ANXA6: variants seen among roughly 807,000 people sequenced by gnomAD.
ANXA6 encodes 67 kDa calelectrin.
In ANXA6, 71 loss-of-function variants were observed where a neutral mutation model predicts 95.4. The observed-to-expected ratio is 0.74, with a 90% CI of 0.61 to 0.91. The LOEUF is 0.91. Among genes scored for constraint, ANXA6 ranks in the 40% least tolerant of loss-of-function variants. The pLI, the probability that ANXA6 is intolerant of heterozygous loss-of-function variation, is 0.00. For missense variants in ANXA6, 830 were observed against 876.4 expected (o/e 0.95, Z 0.67); for synonymous variants, 289 against 315.9 (o/e 0.91, Z 0.90).
chr5:151,102,884 T>G (rs1338798441), intron 25 of ANXA6, among the ~76,000 whole-genome samples: 2 of 152,174 alleles, frequency 1.3e-5, no homozygotes, highest in Admixed American at 1.3e-4. Flanking sequence ...GATAGAAGTG[T>G]TTGGAAACCA....
chr5:151,102,199 G>A (rs191179948), intron 25 of ANXA6, among the ~76,000 whole-genome samples: 6 of 152,226 alleles, frequency 3.9e-5, no homozygotes, highest in Admixed American at 6.5e-5. Flanking sequence ...CATGGTTTTC[G>A]GGATTTTGTT....
intron 23 of ANXA6, among the ~76,000 whole-genome samples, chr5:151,107,197 C>G (rs1033074070): frequency 6.6e-6 from 1 of 152,242 alleles, no homozygotes; most frequent in Non-Finnish European, 1.5e-5. Context: ...AATACAAATA[C>G]AAACTAACCC....
At chr5:151,125,585 C>T (rs1024531148) in intron 14 of ANXA6, among the ~76,000 whole-genome samples, 2 of 152,130 alleles carry the variant, frequency 1.3e-5, no homozygotes, top group Admixed American at 6.5e-5. Context: ...GTTGCAGAGA[C>T]GGCGGCACCA....
At position 151,128,232 on chromosome 5, in the gene ANXA6, G is replaced by A. The variant is rs1406237394; in HGVS notation, c.926C>T (p.Thr309Ile). ...KSLYSMIKND[T>I]SGEYKKTLLK... ...CAGAGTCTTCTTGTACTCGCCAGAG[G>A]TGTCATTCTGAAGAGAAAGAAAGAA... The change falls in exon 13 of 26, where the codon ACC becomes ATC. Residue 309 changes from threonine (T) to isoleucine (I), a missense_variant. Thr to Ile is a moderately conservative substitution (Grantham distance 89, BLOSUM62 -1). Transcript: ENST00000354546. The A allele has an allele frequency of 1.2e-6, 2 of 1,610,588 alleles. No homozygotes were observed. The highest frequency in any genetic ancestry group is 1.7e-6 in the Non-Finnish European group (2 of 1,178,786).
intron 23 of ANXA6, among the ~76,000 whole-genome samples, chr5:151,107,035 G>C (rs1764712001): frequency 6.6e-6 from 1 of 152,212 alleles, no homozygotes; most frequent in South Asian, 2.1e-4. Flanking sequence ...TTTGGAGGTA[G>C]GCAGCCTGTG....
intron 21 of ANXA6, 73 bp from the exon 22 acceptor site, chr5:151,109,919 T>A: frequency 8.4e-7 from 1 of 1,193,420 alleles, no homozygotes. Flanking sequence ...TTCACTTTCA[T>A]GTCTTTGCCT....
chr5:151,149,149 C>T (rs1371880655), intron 1 of ANXA6, among the ~76,000 whole-genome samples: 1 of 139,474 alleles, frequency 7.2e-6, no homozygotes, highest in East Asian at 2.1e-4. Flanking sequence ...CCACTGCACT[C>T]CAGCCTGGGT....
chr5:151,157,697 G>A lies in ANXA6; in HGVS notation c.-43C>T, dbSNP rs187454817. ...CCACTCACCGCGCAGCGGAGGCCTC[G>A]GGTCGCAGACGGACGCACGGGCGCA... On this transcript the variant is annotated 5_prime_UTR_variant, in exon 1 of 26. Transcript: ENST00000354546. 1 of 152,764 alleles carries A rather than the reference G, an allele frequency of 6.5e-6. No homozygotes were observed. Among genetic ancestry groups the A allele is most frequent in the Non-Finnish European group, 1.5e-5 (1 of 68,118 alleles). 9.5% of individuals were successfully genotyped at this position (152,764 alleles called of 1,614,324 possible).
intron 1 of ANXA6, chr5:151,151,297 T>G (rs1165493148): frequency 6.6e-6 from 1 of 152,210 alleles, no homozygotes; most frequent in Non-Finnish European, 1.5e-5. Context: ...ACCATACTGC[T>G]CAAATTGGCT....
chr5:151,142,481 C>CAAA (rs35440128), intron 2 of ANXA6, among the ~76,000 whole-genome samples: 65 of 132,984 alleles, frequency 4.9e-4, no homozygotes, highest in South Asian at 9.4e-4. Context: ...GACTCTGTCT[C>CAAA]AAAAAAAAAA....
At chr5:151,126,263 GA>G in intron 14 of ANXA6, 138 bp downstream of exon 14, 1 of 709,670 alleles carries the variant, frequency 1.4e-6, no homozygotes. Flanking sequence ...CTCCAAGGGA[GA>G]AAAGGAAGCT....
chr5:151,121,038 G>T (rs1280354180), intron 17 of ANXA6, among the ~76,000 whole-genome samples: 1 of 152,140 alleles, frequency 6.6e-6, no homozygotes, highest in African/African-American at 2.4e-5. Context: ...TCTTTAGATC[G>T]TTTGCTTTTT....
intron 7 of ANXA6, among the ~76,000 whole-genome samples, 184 bp from the exon 8 acceptor site, chr5:151,134,667 C>T (rs1049498072): frequency 6.6e-6 from 1 of 152,180 alleles, no homozygotes; most frequent in Non-Finnish European, 1.5e-5. Context: ...AGGGACCCTC[C>T]CTCTGGCCTT....
rs771610573 is a variant in ANXA6 at position 151,105,268 on chromosome 5, C to T, written c.1816G>A (p.Asp606Asn). 10 of 1,613,894 alleles carry T rather than the reference C, an allele frequency of 6.2e-6. No homozygotes were observed. Among genetic ancestry groups the T allele is most frequent in the Admixed American group, 3.3e-5 (2 of 60,012 alleles). Residue 606 changes from aspartate to asparagine, a missense_variant, in exon 24 of 26, where the codon GAC becomes AAC. Asp to Asn is a conservative substitution (Grantham distance 23). Coordinates refer to ENST00000354546, the MANE Select transcript of ANXA6 (RefSeq NM_001155.5). ...SVKNKPLFFA[D>N]KLYKSMKGAG... ...ACCTTCATGGATTTGTAAAGTTTGT[C>T]GGCAAAGAAGAGAGGCTTGTTCTTG...
intron 1 of ANXA6, among the ~76,000 whole-genome samples, chr5:151,149,087 G>A (rs1766042159): frequency 6.7e-6 from 1 of 149,004 alleles, no homozygotes; most frequent in African/African-American, 2.5e-5. Context: ...AGGCTGAGGC[G>A]AGAGGATTGC....
At chr5:151,141,485 A>G in intron 2 of ANXA6, 1 of 984,286 alleles carries the variant, frequency 1.0e-6, no homozygotes. Flanking sequence ...GGAAATCAGG[A>G]AAGAATCCAA....
intron 15 of ANXA6, 108 bp from the exon 16 acceptor site, chr5:151,123,119 G>A: frequency 1.0e-6 from 1 of 973,142 alleles, no homozygotes; most frequent in Non-Finnish European, 1.6e-6. Flanking sequence ...GTAGAAGCCT[G>A]GCTAAGCGGC....
intron 2 of ANXA6, among the ~76,000 whole-genome samples, chr5:151,144,959 C>G (rs994251574): frequency 1.3e-5 from 2 of 152,146 alleles, no homozygotes; most frequent in African/African-American, 4.8e-5. Context: ...GTCATTCTCA[C>G]ACCAACTTCA....
At chr5:151,110,258 G>A (rs1764812969) in intron 21 of ANXA6, among the ~76,000 whole-genome samples, 1 of 152,208 alleles carries the variant, frequency 6.6e-6, no homozygotes, top group African/African-American at 2.4e-5. Flanking sequence ...TCCCCAAGCG[G>A]GGTCAAGGGC....
Sources: allele counts gnomAD v4.1 joint callset (sites outside exome capture counted in the v4.1 genomes callset), GRCh38; gene constraint gnomAD v4.1.1; transcripts MANE v1.5; gene names NCBI Gene and HGNC (gene_info 2026-07-23, HGNC 2026-07-21).